DSP: variants seen among roughly 807,000 people sequenced by gnomAD.
The protein encoded by DSP is 250/210 kDa paraneoplastic pemphigus antigen.
A neutral mutation model predicts 290.6 loss-of-function variants in DSP; 114 were observed. That is an observed-to-expected ratio of 0.39 (90% CI 0.34 to 0.46). The LOEUF (loss-of-function observed/expected upper bound fraction) is 0.46, where lower values mean the gene tolerates loss of function less well. DSP is among the 20% of genes least tolerant of loss of function. The probability of loss-of-function intolerance (pLI) is 0.99; values close to 1 mark genes in which losing one functional copy is unlikely to be tolerated. For missense variants in DSP, 3,230 were observed against 3,495.8 expected, an observed-to-expected ratio of 0.92 and a Z score of 1.92; for synonymous variants, 1,311 against 1,316.4, an observed-to-expected ratio of 1.00 and a Z score of 0.09.
At chr6:7,549,553 G>GA (rs1454981694) in intron 1 of DSP, among the ~76,000 whole-genome samples, 3 of 152,172 alleles carry the variant, frequency 2.0e-5, no homozygotes, top group African/African-American at 7.2e-5. Context: ...TAGTATATGT[G>GA]AAAAATGCTT....
At chr6:7,577,940 CT>C in intron 21 of DSP, 54 bp downstream of exon 21, 4 of 1,413,462 alleles carry the variant, frequency 2.8e-6, no homozygotes, top group Middle Eastern at 1.8e-4. Flanking sequence ...TGCTTCTTCC[CT>C]TTTCCCTGTC....
intron 1 of DSP, among the ~76,000 whole-genome samples, chr6:7,544,979 A>G (rs1229134047): frequency 6.6e-6 from 1 of 152,210 alleles, no homozygotes; most frequent in Non-Finnish European, 1.5e-5. Flanking sequence ...TTTCAATTAC[A>G]GCAGAATTAC....
At chr6:7,547,463 T>G (rs1380172696) in intron 1 of DSP, among the ~76,000 whole-genome samples, 1 of 152,182 alleles carries the variant, frequency 6.6e-6, no homozygotes, top group African/African-American at 2.4e-5. Flanking sequence ...GGTGTTGCTC[T>G]GTGGCTCAGG....
Position 7,584,907 on chromosome 6 carries a change from T to G in DSP, c.7645T>G (p.Ser2549Ala). The G allele has an allele frequency of 6.2e-7, 1 of 1,614,194 alleles. No individual in the cohort carries two copies. Among genetic ancestry groups the G allele is most frequent in the South Asian group, 1.1e-5 (1 of 91,080 alleles). ...VDRKFFDQYR[S>A]GSLSLTQFAD... Reference sequence around the variant, plus strand: ...CAGGAAGTTCTTTGATCAGTACCGATCCGGCAGCCTCAGCCTCACTCAATT... The same window carrying G: ...CAGGAAGTTCTTTGATCAGTACCGAGCCGGCAGCCTCAGCCTCACTCAATT... Residue 2549 changes from serine (S) to alanine (A), a missense_variant, in exon 24 of 24, where the codon TCC becomes GCC. Around this residue, in one of 5 missense-constraint regions of DSP, gnomAD observed 582 missense variants for 555.4 expected, o/e 1.05. Coordinates refer to ENST00000379802, the MANE Select transcript of DSP (RefSeq NM_004415.4). This position sits in a 1 kb window ranked among gnomAD's most constrained non-coding sequence, Gnocchi z 6.4.
intron 22 of DSP, 128 bp downstream of exon 22, chr6:7,578,690 G>A: frequency 2.7e-6 from 2 of 751,302 alleles, no homozygotes; most frequent in Non-Finnish European, 4.5e-6. Context: ...AAGGTTTAGT[G>A]TAATACTGCT....
At chr6:7,546,345 A>G (rs896686217) in intron 1 of DSP, among the ~76,000 whole-genome samples, 2 of 152,236 alleles carry the variant, frequency 1.3e-5, no homozygotes, top group African/African-American at 4.8e-5. Flanking sequence ...GTTTAGCTTA[A>G]TATACGGCAG....
rs1561693169 is a variant in DSP at position 7,574,770 on chromosome 6, T to C, written c.2411T>C (p.Val804Ala). 9 of 1,614,034 alleles carry C rather than the reference T, an allele frequency of 5.6e-6. No individual in the cohort carries two copies. The highest frequency in any genetic ancestry group is 6.8e-6 in the Non-Finnish European group (8 of 1,180,024). ...ACTGTCTGCCTGGACCTGGATAAAG[T>C]GGAAGCTTACCGCTGTGGACTGAAG... ...EETVCLDLDK[V>A]EAYRCGLKKI... The change falls in exon 17 of 24, where the codon GTG (valine) becomes GCG (alanine). Residue 804 changes from valine (V) to alanine (A), a missense_variant. Physicochemically the swap from Val to Ala is moderately conservative, Grantham distance 64. Transcript: ENST00000379802.
chr6:7,578,395 C>T (rs1282616379), intron 21 of DSP, 69 bp from the exon 22 acceptor site: 15 of 1,284,512 alleles, frequency 1.2e-5, no homozygotes, highest in Non-Finnish European at 1.7e-5. Context: ...AAAACAAAAT[C>T]GGTCAAATTA....
chr6:7,550,561 G>A (rs1454197397), intron 1 of DSP, among the ~76,000 whole-genome samples: 4 of 151,880 alleles, frequency 2.6e-5, no homozygotes, highest in Admixed American at 6.5e-5. Context: ...TTTAACCACC[G>A]ATGAAGGGCT....
intron 3 of DSP, among the ~76,000 whole-genome samples, chr6:7,558,576 A>C (rs1257107742): frequency 7.1e-6 from 1 of 141,716 alleles, no homozygotes; most frequent in East Asian, 2.1e-4. Context: ...GTGCAGTGGC[A>C]CAAATGTGGC....
In DSP at chr6:7,581,466, G is replaced by C; in HGVS notation, c.5276G>C (p.Ser1759Thr). 6.2e-7 allele frequency: 1 copy of C among 1,612,782 alleles called. No individual in the cohort carries two copies. The change falls in exon 23 of 24, where the codon AGC (serine) becomes ACC (threonine). Residue 1759 changes from serine (S) to threonine (T), a missense_variant. Physicochemically the swap from Ser to Thr is moderately conservative, Grantham distance 58. Around this residue, in one of 5 missense-constraint regions of DSP, gnomAD observed 1,714 missense variants for 1,844.5 expected, o/e 0.93. Coordinates refer to ENST00000379802, the MANE Select transcript of DSP (RefSeq NM_004415.4). The stretch of plus-strand genomic sequence containing the variant: ...GAACTAAGGAGCCAGCTGCAGATCA[G>C]CAACAACCGGACCCTGGAACTGCAG... The part of the protein sequence containing the change: ...ILELRSQLQI[S>T]NNRTLELQGL...
intron 1 of DSP, among the ~76,000 whole-genome samples, chr6:7,552,422 G>T (rs1488388733): frequency 1.3e-5 from 2 of 151,770 alleles, no homozygotes; most frequent in African/African-American, 4.8e-5. Flanking sequence ...AAATAGCTGG[G>T]CGTGGTGGTG....
chr6:7,556,567 A>T (rs146913433), intron 2 of DSP, among the ~76,000 whole-genome samples: 2 of 152,232 alleles, frequency 1.3e-5, no homozygotes, highest in African/African-American at 4.8e-5. Context: ...TCAAGGTTAC[A>T]TCTGGCATCT....
Position 7,571,696 on chromosome 6 carries a change from T to G in DSP, c.1903+112T>G. 2.0e-6 allele frequency: 3 copies of G among 1,496,946 alleles called. No individual in the cohort carries two copies. The Admixed American group carries it at 5.1e-5, about 26-fold the overall frequency. The allele number at this position is 1,496,946 out of a possible 1,614,324, so 92.7% of individuals were successfully genotyped here. On this transcript the variant is annotated intron_variant, in intron 14 of 23. Transcript: ENST00000379802. Reference sequence around the variant, plus strand: ...ATTTCTCTGAATGCTATATAGCCAGTGTTCTTCGTGCACTAAATTTTCAGA... The same window carrying G: ...ATTTCTCTGAATGCTATATAGCCAGGGTTCTTCGTGCACTAAATTTTCAGA...
Position 7,580,180 on chromosome 6 carries a change from C to A in DSP, c.3990C>A (p.Leu1330=). ...IQDKNKEIER[L]KAEFQEEAKR... ...ACAAAAATAAGGAGATCGAGAGACT[C>A]AAAGCTGAGTTTCAGGAGGAGGCCA... is the stretch of plus-strand genomic sequence containing the variant. Residue 1330 remains leucine, a synonymous_variant, in exon 23 of 24, where the codon CTC becomes CTA. Transcript: ENST00000379802. This position sits in a 1 kb window ranked among gnomAD's most constrained non-coding sequence, Gnocchi z 4.2. The A allele has an allele frequency of 6.2e-7, 1 of 1,613,986 alleles. No homozygotes were observed. The highest frequency in any genetic ancestry group is 1.1e-5 in the South Asian group (1 of 91,058).
chr6:7,560,405 A>T (rs538700936), intron 4 of DSP, among the ~76,000 whole-genome samples: 19 of 152,344 alleles, frequency 1.2e-4, no homozygotes, highest in African/African-American at 4.6e-4. Flanking sequence ...CTATTACAGA[A>T]GGTAAGGCTT....
At chr6:7,563,607 C>G in intron 5 of DSP, 129 bp from the exon 6 acceptor site, 1 of 801,074 alleles carries the variant, frequency 1.2e-6, no homozygotes, top group South Asian at 1.5e-5. Flanking sequence ...TCTCATAGAG[C>G]TAGTAATTCT....
chr6:7,552,631 G>A (rs978807842), intron 1 of DSP, among the ~76,000 whole-genome samples: 2 of 148,954 alleles, frequency 1.3e-5, no homozygotes, highest in South Asian at 2.1e-4. Flanking sequence ...AATTTATTTG[G>A]TATTATTAGC....
At position 7,565,295 on chromosome 6, in the gene DSP, C is replaced by T; in HGVS notation, c.778-64C>T. 6.3e-7 allele frequency: 1 copy of T among 1,580,670 alleles called. No homozygotes were observed. Among genetic ancestry groups the T allele is most frequent in the East Asian group, 2.2e-5 (1 of 44,696 alleles). On this transcript the variant is annotated intron_variant, in intron 6 of 23. Coordinates refer to ENST00000379802, the MANE Select transcript of DSP (RefSeq NM_004415.4). The surrounding 1 kb of genome is among the most constrained non-coding windows in gnomAD (Gnocchi z 4.2). The stretch of plus-strand genomic sequence containing the variant: ...AGGGACCACAGGTTTAATCTTTAAA[C>T]CTGCAGAGAACACCAGTCACTGCAT...
Sources: allele counts gnomAD v4.1 joint callset (sites outside exome capture counted in the v4.1 genomes callset), GRCh38; gene constraint gnomAD v4.1.1; regional missense constraint gnomAD v4.1.1; non-coding constraint Gnocchi (gnomAD v3.1); transcripts MANE v1.5; gene names NCBI Gene and HGNC (gene_info 2026-07-23, HGNC 2026-07-21).